Variants in ABCB9 observed in about 807,000 individuals in gnomAD.
The protein encoded by ABCB9 is ABC-type oligopeptide transporter ABCB9.
In ABCB9, 36 loss-of-function variants were observed where a neutral mutation model predicts 62.0. The ratio of observed to expected loss-of-function variants is 0.58; its 90% CI spans 0.45 to 0.77. ABCB9 has a LOEUF of 0.77. Among genes scored for constraint, ABCB9 ranks in the 30% least tolerant of loss-of-function variants. The pLI is 0.00. For synonymous variants in ABCB9, 435 were observed against 461.4 expected, an observed-to-expected ratio of 0.94 and a Z score of 0.73; for missense variants, 943 against 1,054.7, an observed-to-expected ratio of 0.89 and a Z score of 1.47.
intron 9 of ABCB9, 81 bp from the exon 10 acceptor site, chr12:122,935,512 C>A: frequency 6.6e-7 from 1 of 1,511,684 alleles, no homozygotes; most frequent in South Asian, 1.3e-5. Context: ...TGCCTGGGGC[C>A]TGGAGACACC....
At chr12:122,941,070 G>C in intron 7 of ABCB9, 75 bp from the exon 8 acceptor site, 1 of 1,454,574 alleles carries the variant, frequency 6.9e-7, no homozygotes, top group Non-Finnish European at 9.2e-7. Context: ...CTAGAGAGGA[G>C]GCAGGTATAG....
chr12:122,973,824 G>A (rs537338773), intron 1 of ABCB9, among the ~76,000 whole-genome samples: 52 of 152,184 alleles, frequency 3.4e-4, no homozygotes, highest in African/African-American at 1.2e-3. Flanking sequence ...TCGTGCCACT[G>A]CACTCCAGCC....
chr12:122,964,299 C>T lies in ABCB9; in HGVS notation c.-88+1988G>A, dbSNP rs1013551873. ...CCAACAGCCCAGGGTACCAGTCATG[C>T]CCCCCGCCTCCAGAAGCCTATTTAT... On this transcript the variant is annotated intron_variant, in intron 1 of 11. Transcript: ENST00000280560. The surrounding 1 kb of genome is among the most constrained non-coding windows in gnomAD (Gnocchi z 4.7). Among the ~76,000 whole-genome samples, 13 of 152,160 alleles carry T rather than the reference C, an allele frequency of 8.5e-5. No homozygotes were observed. Among genetic ancestry groups the T allele is most frequent in the African/African-American group, 2.9e-4 (12 of 41,422 alleles).
At chr12:122,922,851 G>A (rs568805443) in intron 11 of ABCB9, among the ~76,000 whole-genome samples, 1 of 152,234 alleles carries the variant, frequency 6.6e-6, no homozygotes, top group South Asian at 2.1e-4. Flanking sequence ...GGAGTGCAGT[G>A]GCACAATTAT....
intron 2 of ABCB9, among the ~76,000 whole-genome samples, chr12:122,953,424 G>A (rs546185356): frequency 5.3e-5 from 8 of 152,208 alleles, no homozygotes; most frequent in Non-Finnish European, 1.0e-4. Context: ...GTCGCACTCC[G>A]TCGCCCAGGC....
chr12:122,957,502 C>T (rs1033831144), intron 2 of ABCB9, among the ~76,000 whole-genome samples: 1 of 152,054 alleles, frequency 6.6e-6, no homozygotes, highest in Non-Finnish European at 1.5e-5. Flanking sequence ...GCCTCGTTGC[C>T]CCCAGAACCT....
chr12:122,964,924 T>C lies in ABCB9; in HGVS notation c.-88+1363A>G, dbSNP rs1450723341. Reference sequence around the variant, plus strand: ...TAGGAGACATTGGTTGGGGTATCTCTAGGCATCAGCTGCAGAGAAGGCCAG... The same window carrying C: ...TAGGAGACATTGGTTGGGGTATCTCCAGGCATCAGCTGCAGAGAAGGCCAG... On this transcript the variant is annotated intron_variant, in intron 1 of 11. Coordinates refer to ENST00000280560, the MANE Select transcript of ABCB9 (RefSeq NM_019625.4). This position sits in a 1 kb window ranked among gnomAD's most constrained non-coding sequence, Gnocchi z 4.7. 6.6e-6 allele frequency among the ~76,000 whole-genome samples: 1 copy of C among 152,188 alleles called. No individual in the cohort carries two copies. The highest frequency in any genetic ancestry group is 2.4e-5 in the African/African-American group (1 of 41,446).
At position 122,960,814 on chromosome 12, in the gene ABCB9, G is replaced by T. The variant is rs2036853751; in HGVS notation, c.-87-492C>A. Among the ~76,000 whole-genome samples the T allele has an allele frequency of 4.0e-5, 6 of 151,544 alleles. No homozygotes were observed. In the South Asian group the frequency reaches 1.3e-3, roughly 32 times the overall value. ...ATAATGTGTGTCTTGTGAGGCCAAG[G>T]TTGGAGGATCCCTTGAGGCCAGGAG... On this transcript the variant is annotated intron_variant, in intron 1 of 11. Transcript: ENST00000280560.
At chr12:122,941,334 G>C (rs1320754355) in intron 7 of ABCB9, among the ~76,000 whole-genome samples, 1 of 150,004 alleles carries the variant, frequency 6.7e-6, no homozygotes, top group Non-Finnish European at 1.5e-5. Context: ...TTTTAAGATG[G>C]AGTCTCCCTC....
chr12:122,919,860 G>A (rs1319063269), downstream of ABCB9, among the ~76,000 whole-genome samples: 1 of 148,358 alleles, frequency 6.7e-6, no homozygotes, highest in Non-Finnish European at 1.5e-5. Context: ...ACCTCCCCCT[G>A]GGTGACTCAT....
In ABCB9 at chr12:122,944,528, G is replaced by A; in HGVS notation, c.1252-9C>T. The A allele has an allele frequency of 6.2e-7, 1 of 1,613,438 alleles. No homozygotes were observed. The highest frequency in any genetic ancestry group is 1.1e-5 in the South Asian group (1 of 91,054). ...ACCACCAGCAGTGTGAGCTGGGGCA[G>A]AGGGAGAGGGGATGTGGGTCGAGGG... On this transcript the variant is annotated splice_polypyrimidine_tract_variant and intron_variant, in intron 6 of 11. Coordinates refer to ENST00000280560, the MANE Select transcript of ABCB9 (RefSeq NM_019625.4). The surrounding 1 kb of genome is among the most constrained non-coding windows in gnomAD (Gnocchi z 4.9).
chr12:122,921,079 A>G (rs1426458673), intron 11 of ABCB9: 1 of 1,534,670 alleles, frequency 6.5e-7, no homozygotes, highest in African/African-American at 1.4e-5. Flanking sequence ...TAAATGTCAA[A>G]GGAAACATTG....
intron 1 of ABCB9, among the ~76,000 whole-genome samples, chr12:122,965,256 C>T (rs973061087): frequency 6.6e-6 from 1 of 152,170 alleles, no homozygotes; most frequent in African/African-American, 2.4e-5. Context: ...CCTGTCCAGG[C>T]TATTCAGGGA....
chr12:122,954,638 G>A (rs566239690), intron 2 of ABCB9, among the ~76,000 whole-genome samples: 7 of 152,190 alleles, frequency 4.6e-5, no homozygotes, highest in South Asian at 2.1e-4. Context: ...GATTACAGGC[G>A]TGTGCCACCA....
chr12:122,947,015 T>C lies in ABCB9; in HGVS notation c.1054-793A>G, dbSNP rs2036077853. Reference sequence around the variant, plus strand: ...GGAAGCATGCAGGGTGCCTGAGTCATGTTTGGCCATGGGCGGTGTGTGTGG... The same window carrying C: ...GGAAGCATGCAGGGTGCCTGAGTCACGTTTGGCCATGGGCGGTGTGTGTGG... On this transcript the variant is annotated intron_variant, in intron 5 of 11. Coordinates refer to ENST00000280560, the MANE Select transcript of ABCB9 (RefSeq NM_019625.4). This position sits in a 1 kb window ranked among gnomAD's most constrained non-coding sequence, Gnocchi z 6.0. Among the ~76,000 whole-genome samples the C allele has an allele frequency of 6.6e-6, 1 of 152,238 alleles. No individual in the cohort carries two copies. Among genetic ancestry groups the C allele is most frequent in the Non-Finnish European group, 1.5e-5 (1 of 68,040 alleles).
At position 122,971,579 on chromosome 12, in the gene ABCB9, G is replaced by A. The variant is rs1440340206; in HGVS notation, c.-88+3136C>T. 2.6e-5 allele frequency among the ~76,000 whole-genome samples: 4 copies of A among 151,942 alleles called. No individual in the cohort carries two copies. In the East Asian group the frequency reaches 5.8e-4, roughly 22 times the overall value. ...AGTGATTCTCCCACCTCAGCCTCCT[G>A]AGTAGCTGGGATCATAGGTGTGCCA... On this transcript the variant is annotated intron_variant, in intron 1 of 11. Transcript: ENST00000392439.
At chr12:122,970,675 T>C (rs903399514), upstream of ABCB9, among the ~76,000 whole-genome samples, 2 of 152,082 alleles carry the variant, frequency 1.3e-5, no homozygotes, top group African/African-American at 2.4e-5. Context: ...ACATACCCCA[T>C]GAGCATGTAA....
downstream of ABCB9, chr12:122,924,855 G>A: frequency 2.0e-6 from 3 of 1,531,050 alleles, no homozygotes; most frequent in Non-Finnish European, 1.7e-6. Flanking sequence ...TAAATTAATT[G>A]TAACAGAAAA....
intron 10 of ABCB9, among the ~76,000 whole-genome samples, chr12:122,933,143 T>C (rs1222921470): frequency 6.6e-6 from 1 of 152,208 alleles, no homozygotes; most frequent in East Asian, 1.9e-4. Context: ...TCCTCTTGCC[T>C]TGGCCTCCAA....
Sources: gnomAD v4.1 joint callset for allele counts (sites outside exome capture counted in the v4.1 genomes callset) on GRCh38, gnomAD v4.1.1 for gene constraint, Gnocchi (gnomAD v3.1) non-coding constraint, MANE v1.5 for transcripts, NCBI Gene and HGNC (gene_info 2026-07-23, HGNC 2026-07-21) for gene names.